FBXO38: variants seen among roughly 807,000 people sequenced by gnomAD.
FBXO38 encodes the protein F-box protein 38.
A neutral mutation model predicts 131.9 loss-of-function variants in FBXO38; 53 were observed. The ratio of observed to expected loss-of-function variants is 0.40; its 90% CI spans 0.32 to 0.51. FBXO38 has a LOEUF of 0.51. FBXO38 is among the 20% of genes least tolerant of loss of function. The probability of loss-of-function intolerance (pLI) is 0.53; values close to 1 mark genes in which losing one functional copy is unlikely to be tolerated. For missense variants in FBXO38, 1,076 were observed against 1,475.6 expected (o/e 0.73, Z 4.44); for synonymous variants, 452 against 505.6 (o/e 0.89, Z 1.42).
At chr5:148,392,679 A>G (rs1758265007) in intron 1 of FBXO38, among the ~76,000 whole-genome samples, 1 of 151,170 alleles carries the variant, frequency 6.6e-6, no homozygotes, top group Admixed American at 6.6e-5. Flanking sequence ...AGAGGGCTCG[A>G]GGATAAATTA....
chr5:148,404,513 T>G (rs1414793406), intron 5 of FBXO38, among the ~76,000 whole-genome samples, 172 bp from the exon 6 acceptor site: 2 of 152,244 alleles, frequency 1.3e-5, no homozygotes, highest in African/African-American at 2.4e-5. Flanking sequence ...CTGTTCTTTG[T>G]AAGCCTGTTT....
intron 9 of FBXO38, 111 bp from the exon 10 acceptor site, chr5:148,414,025 C>T: frequency 1.0e-6 from 1 of 980,596 alleles, no homozygotes. Flanking sequence ...GCAGATGATA[C>T]AGAATGATGG....
At chr5:148,424,841 T>C (rs1753628078) in intron 13 of FBXO38, among the ~76,000 whole-genome samples, 1 of 151,982 alleles carries the variant, frequency 6.6e-6, no homozygotes, top group Non-Finnish European at 1.5e-5. Flanking sequence ...CATTGTACAA[T>C]GTGACAGGAA....
intron 2 of FBXO38, 34 bp downstream of exon 2, chr5:148,394,938 A>G: frequency 6.5e-7 from 1 of 1,539,418 alleles, no homozygotes; most frequent in Non-Finnish European, 8.8e-7. Context: ...ACCTGCCTGG[A>G]ATGGATAAGA....
Position 148,404,779 on chromosome 5 carries a change from C to T in FBXO38, c.687C>T (p.Phe229=). Residue 229 remains phenylalanine, a synonymous_variant, in exon 6 of 22, where the codon TTC becomes TTT. Coordinates refer to ENST00000340253, the MANE Select transcript of FBXO38 (RefSeq NM_205836.3). ...CTAAACCACAGCCATTTAAAGACTT[C>T]CTTTGTATCAGCTTAAGAACTTTCG... ...RLTKPQPFKD[F]LCISLRTFVM... The T allele has an allele frequency of 2.5e-6, 4 of 1,607,692 alleles. No homozygotes were observed. The highest frequency in any genetic ancestry group is 3.4e-6 in the Non-Finnish European group (4 of 1,177,912).
chr5:148,430,155 A>ATTTTTTT (rs200540373), intron 15 of FBXO38: 1 of 91,206 alleles, frequency 1.1e-5, no homozygotes, highest in Non-Finnish European at 2.3e-5. Context: ...TATTATTATT[A>ATTTTTTT]TTATTTTTTT....
At position 148,427,363 on chromosome 5, in the gene FBXO38, A is replaced by T. The variant is rs753859838; in HGVS notation, c.2069A>T (p.Asp690Val). The change falls in exon 15 of 22, where the codon GAT becomes GTT. Residue 690 changes from aspartate to valine, a missense_variant. This residue lies in a region of FBXO38 where 213 missense variants were observed against 225.2 expected (regional missense o/e 0.95). Transcript: ENST00000340253. ...QIKADMKAARDIPEKKKNKDV... is the reference protein window; with the variant it reads ...QIKADMKAARVIPEKKKNKDV... ...AAAGCCGATATGAAAGCAGCTAGGG[A>T]TATTCCTGAAAAGAAAAAAAACAAG... 2.5e-6 allele frequency: 4 copies of T among 1,614,082 alleles called. No individual in the cohort carries two copies. The highest frequency in any genetic ancestry group is 3.4e-6 in the Non-Finnish European group (4 of 1,180,040).
At chr5:148,422,498 G>A (rs1050787476) in intron 12 of FBXO38, among the ~76,000 whole-genome samples, 1 of 152,072 alleles carries the variant, frequency 6.6e-6, no homozygotes, top group Non-Finnish European at 1.5e-5. Context: ...GTTACATAAG[G>A]CATTACTATC....
At chr5:148,430,165 T>TA (rs1753959514) in intron 15 of FBXO38, 1 of 147,214 alleles carries the variant, frequency 6.8e-6, no homozygotes, top group African/African-American at 2.5e-5. Context: ...ATTATTTTTT[T>TA]TTTTTTTGAG....
rs745486539 is a variant in FBXO38 at position 148,439,774 on chromosome 5, C to T, written c.3152C>T (p.Thr1051Ile). The T allele has an allele frequency of 1.2e-6, 2 of 1,614,010 alleles. No homozygotes were observed. Among genetic ancestry groups the T allele is most frequent in the Non-Finnish European group, 1.7e-6 (2 of 1,179,880 alleles). ...NKVRIRSWMD[T>I]IANINQELIK... ...GTGCGCATTCGCAGCTGGATGGACA[C>T]TATAGCAAACATCAATCAGTAAGTA... The change falls in exon 19 of 22, where the codon ACT (threonine) becomes ATT (isoleucine). Residue 1051 changes from threonine to isoleucine, a missense_variant. By Grantham distance (89) the Thr-to-Ile change is moderately conservative. Transcript: ENST00000340253.
intron 20 of FBXO38, 35 bp downstream of exon 20, chr5:148,440,562 C>A: frequency 1.5e-6 from 2 of 1,298,706 alleles, no homozygotes; most frequent in Non-Finnish European, 2.2e-6. Context: ...AGTTAAATAG[C>A]CTGTGCAGTA....
chr5:148,401,540 G>A (rs1752150492), intron 3 of FBXO38, among the ~76,000 whole-genome samples: 1 of 152,090 alleles, frequency 6.6e-6, no homozygotes, highest in South Asian at 2.1e-4. Flanking sequence ...CTAACGATGA[G>A]GATCATATCT....
intron 13 of FBXO38, 99 bp from the exon 14 acceptor site, chr5:148,425,423 C>G: frequency 1.1e-6 from 1 of 924,826 alleles, no homozygotes; most frequent in South Asian, 1.6e-5. Context: ...TATAGAGCCA[C>G]AAAGCATCTC....
At position 148,442,699 on chromosome 5, in the gene FBXO38, A is replaced by C. The variant is rs1002854616; in HGVS notation, c.*552A>C. 6.6e-6 allele frequency: 1 copy of C among 152,164 alleles called. No individual in the cohort carries two copies. Among genetic ancestry groups the C allele is most frequent in the Admixed American group, 6.5e-5 (1 of 15,276 alleles). 9.4% of individuals were successfully genotyped at this position (152,164 alleles called of 1,614,324 possible). A position where few individuals can be genotyped will look rare whatever the true frequency, so the allele number is the denominator to read the frequency against. On this transcript the variant is annotated 3_prime_UTR_variant, in exon 22 of 22. Transcript: ENST00000340253. ...GCCATGTTTCTTAAAATCAAGTAAA[A>C]AGACTTATGAGCTTAAAAAAAAGTG... is the stretch of plus-strand genomic sequence containing the variant.
chr5:148,427,971 G>A (rs1365648999), intron 15 of FBXO38, 24 bp downstream of exon 15: 2 of 1,482,438 alleles, frequency 1.3e-6, no homozygotes, highest in Admixed American at 2.4e-5. Flanking sequence ...CCTAGGATTA[G>A]CAACTGCAGG....
intron 3 of FBXO38, among the ~76,000 whole-genome samples, chr5:148,399,698 A>C (rs1204074602): frequency 6.6e-6 from 1 of 152,118 alleles, no homozygotes; most frequent in South Asian, 2.1e-4. Context: ...TGAAGAGACC[A>C]CCTGAAAAGA....
Position 148,402,700 on chromosome 5 carries a change from C to A in FBXO38, c.592+187C>A, listed in dbSNP as rs1752224164. The stretch of plus-strand genomic sequence containing the variant: ...AAGATCCACTGGTGTGAGGGAAATA[C>A]TGCTTCACAAGTGTACATTCTCCAT... On this transcript the variant is annotated intron_variant, in intron 5 of 21. Coordinates refer to ENST00000340253, the MANE Select transcript of FBXO38 (RefSeq NM_205836.3). The A allele has an allele frequency of 6.3e-6, 3 of 473,540 alleles. No individual in the cohort carries two copies. The South Asian group carries it at 1.1e-4, about 17-fold the overall frequency. The allele number at this position is 473,540 out of a possible 1,614,324, so 29.3% of individuals were successfully genotyped here. A position where few individuals can be genotyped will look rare whatever the true frequency, so the allele number is the denominator to read the frequency against.
chr5:148,438,108 A>G (rs890833219), intron 17 of FBXO38, among the ~76,000 whole-genome samples: 1 of 152,214 alleles, frequency 6.6e-6, no homozygotes, highest in African/African-American at 2.4e-5. Context: ...TGGTTTTCTT[A>G]ACAGTAAAAT....
intron 8 of FBXO38, 95 bp downstream of exon 8, chr5:148,409,312 G>A (rs950593965): frequency 5.2e-6 from 4 of 776,546 alleles, no homozygotes; most frequent in Non-Finnish European, 9.1e-6. Flanking sequence ...GTATATATGT[G>A]TGTACATTTG....
Sources: allele counts gnomAD v4.1 joint callset (sites outside exome capture counted in the v4.1 genomes callset), GRCh38; gene constraint gnomAD v4.1.1; regional missense constraint gnomAD v4.1.1; transcripts MANE v1.5; gene names NCBI Gene and HGNC (gene_info 2026-07-23, HGNC 2026-07-21).